NREP: variants seen among roughly 807,000 people sequenced by gnomAD.
The protein encoded by NREP is neuronal regeneration related protein.
NREP carries 5 observed loss-of-function variants against 8.6 expected under a neutral mutation model. The observed-to-expected ratio is 0.58, with a 90% CI of 0.30 to 1.22. The LOEUF (loss-of-function observed/expected upper bound fraction) is 1.22. NREP is among the 50% of genes most tolerant of loss of function. NREP has a pLI of 0.07. For missense variants in NREP, 86 were observed against 82.5 expected, an observed-to-expected ratio of 1.04 and a Z score of -0.17; for synonymous variants, 27 against 28.0, an observed-to-expected ratio of 0.96 and a Z score of 0.11.
intron 2 of NREP, among the ~76,000 whole-genome samples, chr5:111,874,701 G>A (rs965914484): frequency 6.6e-6 from 1 of 152,192 alleles, no homozygotes; most frequent in Non-Finnish European, 1.5e-5. Context: ...AGTTCTGAGA[G>A]TGAAGCATGA....
At chr5:111,902,181 A>G (rs1754662835) in intron 2 of NREP, among the ~76,000 whole-genome samples, 1 of 152,170 alleles carries the variant, frequency 6.6e-6, no homozygotes, top group Admixed American at 6.6e-5. Context: ...CAAAGACACC[A>G]AGAACATACA....
intron 2 of NREP, among the ~76,000 whole-genome samples, chr5:111,918,096 C>A (rs1352982411): frequency 6.6e-6 from 1 of 152,140 alleles, no homozygotes; most frequent in Non-Finnish European, 1.5e-5. Context: ...CATGAGTGAA[C>A]TGCCATTCAC....
intron 2 of NREP, among the ~76,000 whole-genome samples, chr5:111,886,283 C>T (rs982317958): frequency 6.6e-6 from 1 of 152,176 alleles, no homozygotes; most frequent in African/African-American, 2.4e-5. Context: ...TACCATCTCA[C>T]ACCAGTTAGA....
chr5:111,926,866 ACTATTTCTGCCTGACCCACTCCT>A (rs1032404223), intron 2 of NREP, among the ~76,000 whole-genome samples: 1 of 151,242 alleles, frequency 6.6e-6, no homozygotes, highest in Non-Finnish European at 1.5e-5. Flanking sequence ...TGCAAGTGTG[ACTATTTCTGCCTGACCCACTCCT>A]CTAGGTCCTC....
chr5:111,966,313 T>C (rs556752649), intron 2 of NREP, among the ~76,000 whole-genome samples: 1 of 152,296 alleles, frequency 6.6e-6, no homozygotes, highest in Admixed American at 6.5e-5. Context: ...TTGATTAAAA[T>C]GAAATTAAAA....
intron 2 of NREP, among the ~76,000 whole-genome samples, chr5:111,894,824 G>A (rs1432287109): frequency 6.6e-6 from 1 of 152,202 alleles, no homozygotes; most frequent in Non-Finnish European, 1.5e-5. Flanking sequence ...TGGGGAGGCT[G>A]TTCATGTGAG....
chr5:111,862,435 G>T (rs1428183401), intron 2 of NREP, among the ~76,000 whole-genome samples: 1 of 152,086 alleles, frequency 6.6e-6, no homozygotes, highest in Non-Finnish European at 1.5e-5. Flanking sequence ...GGCGAGGCTT[G>T]CAGGGGCAGC....
intron 2 of NREP, among the ~76,000 whole-genome samples, chr5:111,896,386 C>G (rs991078587): frequency 6.6e-6 from 1 of 152,140 alleles, no homozygotes; most frequent in African/African-American, 2.4e-5. Context: ...AATTCTGTTT[C>G]AGGTATGTTA....
At chr5:111,866,625 C>G (rs1197408905) in intron 2 of NREP, among the ~76,000 whole-genome samples, 1 of 149,772 alleles carries the variant, frequency 6.7e-6, no homozygotes, top group African/African-American at 2.5e-5. Context: ...TACCGTTTGA[C>G]CCAGCCATCC....
At chr5:111,947,301 T>C (rs1756016023) in intron 2 of NREP, among the ~76,000 whole-genome samples, 1 of 152,006 alleles carries the variant, frequency 6.6e-6, no homozygotes, top group African/African-American at 2.4e-5. Context: ...ATTTTATTAA[T>C]TCAGATTCAA....
At chr5:111,758,502 T>C (rs1750870401), upstream of NREP, among the ~76,000 whole-genome samples, 2 of 152,230 alleles carry the variant, frequency 1.3e-5, no homozygotes, top group Admixed American at 1.3e-4. Context: ...ATAAACTGGT[T>C]CTGTTGCCAA....
chr5:111,907,240 T>C (rs1323156671), intron 2 of NREP, among the ~76,000 whole-genome samples: 1 of 152,152 alleles, frequency 6.6e-6, no homozygotes, highest in African/African-American at 2.4e-5. Flanking sequence ...GTCTTTGATA[T>C]TGTATTTAAA....
chr5:111,737,749 A>G (rs1262573433), intron 2 of NREP, among the ~76,000 whole-genome samples: 1 of 151,886 alleles, frequency 6.6e-6, no homozygotes, highest in Non-Finnish European at 1.5e-5. Flanking sequence ...AAACAAAAAA[A>G]AAGCCAATGA....
chr5:111,901,499 A>C (rs1754646256), intron 2 of NREP, among the ~76,000 whole-genome samples: 1 of 152,092 alleles, frequency 6.6e-6, no homozygotes, highest in Non-Finnish European at 1.5e-5. Context: ...AGGAAAAAAT[A>C]ATTGAAAAAG....
intron 2 of NREP, among the ~76,000 whole-genome samples, chr5:111,946,621 G>A (rs540059932): frequency 7.9e-5 from 12 of 152,008 alleles, no homozygotes; most frequent in African/African-American, 2.9e-4. Context: ...GCCCAGGGAC[G>A]TCCCTCAGTA....
chr5:111,837,059 T>C (rs1265964145), intron 2 of NREP, among the ~76,000 whole-genome samples: 1 of 152,110 alleles, frequency 6.6e-6, no homozygotes, highest in Non-Finnish European at 1.5e-5. Flanking sequence ...ATGGGCAAGA[T>C]TTAGTTTTCT....
intron 2 of NREP, among the ~76,000 whole-genome samples, chr5:111,909,206 G>T (rs563159038): frequency 6.6e-6 from 1 of 152,024 alleles, no homozygotes; most frequent in East Asian, 1.9e-4. Context: ...TTCTTTTGCT[G>T]CCATAAGAGA....
intron 2 of NREP, among the ~76,000 whole-genome samples, chr5:111,871,217 G>A (rs752831047): frequency 6.6e-6 from 1 of 152,096 alleles, no homozygotes; most frequent in Non-Finnish European, 1.5e-5. Flanking sequence ...TTGTATGGTA[G>A]AGCCTATTGC....
chr5:111,762,119 G>A (rs144402969), upstream of NREP, among the ~76,000 whole-genome samples: 326 of 152,174 alleles, frequency 2.1e-3, 3 homozygotes, highest in Middle Eastern at 0.017. Flanking sequence ...AAAGAGGGAA[G>A]GAGTCAAGTT....
Sources: allele counts gnomAD v4.1 joint callset (sites outside exome capture counted in the v4.1 genomes callset), GRCh38; gene constraint gnomAD v4.1.1; transcripts MANE v1.5; gene names NCBI Gene and HGNC (gene_info 2026-07-23, HGNC 2026-07-21).